The following ASIC2 variants were observed in gnomAD, a reference collection of about 807,000 sequenced individuals.
The protein encoded by ASIC2 is acid-sensing ion channel 2.
In ASIC2, 25 loss-of-function variants were observed where a neutral mutation model predicts 57.3. The observed-to-expected ratio is 0.44, with a 90% confidence interval of 0.32 to 0.61. ASIC2 has a LOEUF of 0.61. Ranked by LOEUF, ASIC2 falls within the 20% of genes least tolerant of loss-of-function variation. ASIC2 has a pLI of 0.06. For synonymous variants in ASIC2, 319 were observed against 307.5 expected (o/e 1.04, Z -0.39); for missense variants, 641 against 738.1 (o/e 0.87, Z 1.52).
chr17:33,483,839 C>T (rs890418029), intron 1 of ASIC2, among the ~76,000 whole-genome samples: 1 of 152,128 alleles, frequency 6.6e-6, no homozygotes, highest in African/African-American at 2.4e-5. Flanking sequence ...CTTTACATGA[C>T]AAAAGGGCCC....
At chr17:33,097,133 C>T (rs1448403409) in intron 2 of ASIC2, among the ~76,000 whole-genome samples, 1 of 152,238 alleles carries the variant, frequency 6.6e-6, no homozygotes, top group South Asian at 2.1e-4. Flanking sequence ...CGCTCAAATA[C>T]TTTGTGCCTT....
intron 1 of ASIC2, among the ~76,000 whole-genome samples, chr17:33,694,328 T>A (rs367649313): frequency 6.6e-6 from 1 of 152,216 alleles, no homozygotes; most frequent in Non-Finnish European, 1.5e-5. Flanking sequence ...AAAGCCCTGA[T>A]GTCTTACCCT....
chr17:33,040,745 T>G (rs987151590), intron 3 of ASIC2, among the ~76,000 whole-genome samples: 2 of 152,208 alleles, frequency 1.3e-5, no homozygotes, highest in Non-Finnish European at 2.9e-5. Flanking sequence ...TGCAGTCTGT[T>G]TTTCAGACAG....
intron 1 of ASIC2, among the ~76,000 whole-genome samples, chr17:33,970,474 C>A (rs1021940063): frequency 6.6e-6 from 1 of 152,196 alleles, no homozygotes; most frequent in Non-Finnish European, 1.5e-5. Context: ...CTGAGCCAAG[C>A]CCTGATCTAT....
At chr17:33,538,603 T>C (rs1160012834) in intron 1 of ASIC2, among the ~76,000 whole-genome samples, 4 of 152,208 alleles carry the variant, frequency 2.6e-5, no homozygotes, top group Non-Finnish European at 5.9e-5. Flanking sequence ...TATTCCACCT[T>C]CTACTCTGTA....
intron 1 of ASIC2, among the ~76,000 whole-genome samples, chr17:33,654,699 A>G (rs1216328354): frequency 6.6e-6 from 1 of 152,142 alleles, no homozygotes; most frequent in African/African-American, 2.4e-5. Context: ...GACTAAAACT[A>G]CTCCCAAGTT....
intron 1 of ASIC2, among the ~76,000 whole-genome samples, chr17:33,610,721 A>G (rs868166440): frequency 6.8e-6 from 1 of 147,846 alleles, no homozygotes; most frequent in Non-Finnish European, 1.5e-5. Context: ...AATAAAAAAT[A>G]AATAAATAAA....
chr17:33,912,101 T>G (rs1312416589), intron 1 of ASIC2, among the ~76,000 whole-genome samples: 1 of 120,232 alleles, frequency 8.3e-6, no homozygotes, highest in Non-Finnish European at 1.6e-5. Context: ...AATCACGCCA[T>G]TGCACTCCAG....
At chr17:33,744,756 T>C (rs545465350) in intron 1 of ASIC2, among the ~76,000 whole-genome samples, 1 of 152,292 alleles carries the variant, frequency 6.6e-6, no homozygotes, top group Admixed American at 6.5e-5. Flanking sequence ...GACATCAAAG[T>C]AGACATTATA....
chr17:33,797,913 G>A (rs929223619), intron 1 of ASIC2, among the ~76,000 whole-genome samples: 2 of 152,140 alleles, frequency 1.3e-5, no homozygotes, highest in Admixed American at 6.5e-5. Context: ...TCACTCACAG[G>A]ACTAGCCCCC....
chr17:33,512,521 G>A (rs965430773), intron 1 of ASIC2, among the ~76,000 whole-genome samples: 1 of 152,180 alleles, frequency 6.6e-6, no homozygotes, highest in African/African-American at 2.4e-5. Context: ...TGTGAAGAGA[G>A]ATGAGCATTT....
intron 1 of ASIC2, among the ~76,000 whole-genome samples, chr17:33,430,189 C>T (rs1362943257): frequency 6.6e-6 from 1 of 152,174 alleles, no homozygotes; most frequent in African/African-American, 2.4e-5. Flanking sequence ...TAAAACTGGC[C>T]TCCATTACCT....
rs150694567 is a variant in ASIC2 at position 33,960,405 on chromosome 17, G to T, written c.555+195573C>A. Among the ~76,000 whole-genome samples the T allele has an allele frequency of 5.2e-3, 786 of 152,326 alleles. 3 individuals carry two copies. The highest frequency in any genetic ancestry group is 7.3e-3 in the Non-Finnish European group (495 of 68,026). ...GTGTTTTCATTGCCAGAGATGGAAAGAATCCTGACTAATGTACATACAGAG... is the reference window on the plus strand; with the variant it reads ...GTGTTTTCATTGCCAGAGATGGAAATAATCCTGACTAATGTACATACAGAG... On this transcript the variant is annotated intron_variant, in intron 1 of 9. Coordinates refer to the ASIC2 transcript ENST00000359872.
intron 1 of ASIC2, among the ~76,000 whole-genome samples, chr17:33,730,388 C>T (rs571148412): frequency 5.3e-5 from 8 of 152,248 alleles, no homozygotes; most frequent in Admixed American, 1.3e-4. Flanking sequence ...AGGAGAAGGG[C>T]GAGTTACTGA....
chr17:33,445,192 G>T (rs1031527075), intron 1 of ASIC2, among the ~76,000 whole-genome samples: 10 of 152,152 alleles, frequency 6.6e-5, no homozygotes, highest in African/African-American at 2.2e-4. Flanking sequence ...ACTTTGGGAG[G>T]CCAAGGCGTC....
chr17:33,055,461 T>C (rs2091994245), intron 3 of ASIC2, among the ~76,000 whole-genome samples: 1 of 152,172 alleles, frequency 6.6e-6, no homozygotes, highest in Non-Finnish European at 1.5e-5. Flanking sequence ...CACATTCCTA[T>C]GTTATGGCTG....
chr17:33,876,084 A>G (rs1296863103), intron 1 of ASIC2, among the ~76,000 whole-genome samples: 3 of 152,238 alleles, frequency 2.0e-5, no homozygotes, highest in Non-Finnish European at 4.4e-5. Context: ...TCGAGATTCA[A>G]AGGACTTTGG....
intron 1 of ASIC2, among the ~76,000 whole-genome samples, chr17:33,654,383 T>A (rs891287002): frequency 3.9e-5 from 6 of 152,236 alleles, no homozygotes; most frequent in African/African-American, 1.4e-4. Flanking sequence ...CTGAACTGGA[T>A]AAGGATTGAC....
intron 1 of ASIC2, among the ~76,000 whole-genome samples, chr17:33,353,670 T>A (rs1597695737): frequency 6.6e-6 from 1 of 152,310 alleles, no homozygotes; most frequent in East Asian, 1.9e-4. Flanking sequence ...CCCAGCCAAA[T>A]GTCACTTTTT....
Sources: allele counts gnomAD v4.1 joint callset (sites outside exome capture counted in the v4.1 genomes callset), GRCh38; gene constraint gnomAD v4.1.1; transcripts MANE v1.5; gene names NCBI Gene and HGNC (gene_info 2026-07-23, HGNC 2026-07-21).